MARCHF11: variants seen among roughly 807,000 people sequenced by gnomAD.
MARCHF11 encodes the protein E3 ubiquitin-protein ligase MARCHF11.
MARCHF11 carries 29 observed loss-of-function variants against 37.3 expected under a neutral mutation model. The observed-to-expected ratio is 0.78, with a 90% confidence interval of 0.58 to 1.06. The LOEUF is 1.06. Ranked by LOEUF, MARCHF11 falls within the 50% of genes least tolerant of loss-of-function variation. MARCHF11 has a pLI of 0.00. For missense variants in MARCHF11, 482 were observed against 533.4 expected, an observed-to-expected ratio of 0.90 and a Z score of 0.95; for synonymous variants, 233 against 228.0, an observed-to-expected ratio of 1.02 and a Z score of -0.20.
intron 2 of MARCHF11, among the ~76,000 whole-genome samples, chr5:16,114,021 C>G (rs1406011831): frequency 6.6e-6 from 1 of 151,116 alleles, no homozygotes; most frequent in Non-Finnish European, 1.5e-5. Flanking sequence ...TCTAGCTCCC[C>G]CATATGATTG....
chr5:16,092,942 T>C (rs1046146979), intron 2 of MARCHF11, among the ~76,000 whole-genome samples: 8 of 152,200 alleles, frequency 5.3e-5, no homozygotes, highest in Non-Finnish European at 1.0e-4. Context: ...ATATGAAGTG[T>C]CAGTATCTCT....
chr5:16,108,472 C>A (rs1357144533), intron 2 of MARCHF11, among the ~76,000 whole-genome samples: 2 of 152,138 alleles, frequency 1.3e-5, no homozygotes, highest in Non-Finnish European at 2.9e-5. Context: ...AAAGCGAGGG[C>A]AGGTATGGGT....
At chr5:16,169,423 A>G (rs1738222177) in intron 2 of MARCHF11, among the ~76,000 whole-genome samples, 1 of 152,120 alleles carries the variant, frequency 6.6e-6, no homozygotes, top group Admixed American at 6.6e-5. Context: ...TGTCATCAAT[A>G]AAAATGAACC....
intron 2 of MARCHF11, among the ~76,000 whole-genome samples, chr5:16,137,948 C>T (rs369202773): frequency 1.3e-3 from 199 of 152,162 alleles, no homozygotes; most frequent in African/African-American, 3.6e-3. Flanking sequence ...TCTTCTTTCA[C>T]GAAGATATGT....
At chr5:16,087,912 T>G (rs1371172470) in intron 3 of MARCHF11, among the ~76,000 whole-genome samples, 1 of 152,354 alleles carries the variant, frequency 6.6e-6, no homozygotes, top group Non-Finnish European at 1.5e-5. Context: ...ATAACATTTT[T>G]GGATTCTGGA....
At chr5:16,127,849 G>T (rs373538858) in intron 2 of MARCHF11, among the ~76,000 whole-genome samples, 44 of 152,286 alleles carry the variant, frequency 2.9e-4, no homozygotes, top group African/African-American at 9.6e-4. Context: ...CTGGCTTCTG[G>T]TTGAACGGGG....
At chr5:16,114,196 A>G (rs569797773) in intron 2 of MARCHF11, among the ~76,000 whole-genome samples, 2 of 152,318 alleles carry the variant, frequency 1.3e-5, no homozygotes, top group South Asian at 2.1e-4. Context: ...GGTTGATTAC[A>G]TATCTTAGCT....
intron 2 of MARCHF11, among the ~76,000 whole-genome samples, chr5:16,097,680 C>T (rs540274586): frequency 1.3e-5 from 2 of 152,240 alleles, no homozygotes; most frequent in African/African-American, 2.4e-5. Context: ...TACATAGAAA[C>T]GGAAGTTGTC....
At chr5:16,091,361 A>G (rs1736788851) in intron 2 of MARCHF11, among the ~76,000 whole-genome samples, 1 of 152,216 alleles carries the variant, frequency 6.6e-6, no homozygotes, top group African/African-American at 2.4e-5. Flanking sequence ...GCTAAGGAAT[A>G]TTTAGTATCT....
chr5:16,118,028 G>A (rs1319189254), intron 2 of MARCHF11, among the ~76,000 whole-genome samples: 1 of 152,214 alleles, frequency 6.6e-6, no homozygotes, highest in African/African-American at 2.4e-5. Flanking sequence ...TTGGTCAAAA[G>A]GCATTTTATC....
At position 16,179,601 on chromosome 5, in the gene MARCHF11, C is replaced by T; in HGVS notation, c.-26G>A. ...GGTTGTGCCGCCGCCGCCCTCCTGC[C>T]GGCCCGGCTGGCGGGCCGGGCTCTG... is the stretch of plus-strand genomic sequence containing the variant. On this transcript the variant is annotated 5_prime_UTR_variant, in exon 1 of 4. Coordinates refer to ENST00000332432, the MANE Select transcript of MARCHF11 (RefSeq NM_001102562.3). 1 of 1,106,942 alleles carries T rather than the reference C, an allele frequency of 9.0e-7. No individual in the cohort carries two copies. Among genetic ancestry groups the T allele is most frequent in the Non-Finnish European group, 1.1e-6 (1 of 908,904 alleles). 68.6% of individuals were successfully genotyped at this position (1,106,942 alleles called of 1,614,324 possible).
chr5:16,084,472 G>A lies in MARCHF11; in HGVS notation c.886+6417C>T, dbSNP rs190984500. ...ACCCTGGCCAACATGGTGAAACCCC[G>A]TCTCTACTAAAAATACAAAAATTAG... On this transcript the variant is annotated intron_variant, in intron 3 of 3. Transcript: ENST00000332432. Among the ~76,000 whole-genome samples the A allele has an allele frequency of 1.1e-4, 17 of 152,062 alleles. No individual in the cohort carries two copies. The East Asian group carries it at 2.5e-3, about 23-fold the overall frequency.
At chr5:16,122,424 A>ATG (rs1367709757) in intron 2 of MARCHF11, among the ~76,000 whole-genome samples, 2 of 152,176 alleles carry the variant, frequency 1.3e-5, no homozygotes, top group Non-Finnish European at 2.9e-5. Flanking sequence ...TGCTCATCAC[A>ATG]TGTGTGGTCT....
At chr5:16,159,784 G>T (rs1276447710) in intron 2 of MARCHF11, among the ~76,000 whole-genome samples, 1 of 151,874 alleles carries the variant, frequency 6.6e-6, no homozygotes, top group Non-Finnish European at 1.5e-5. Context: ...GATGGTCGGT[G>T]CCTCAATAGT....
At chr5:16,142,426 A>C (rs909298102) in intron 2 of MARCHF11, among the ~76,000 whole-genome samples, 2 of 152,178 alleles carry the variant, frequency 1.3e-5, no homozygotes, top group African/African-American at 4.8e-5. Context: ...TTCTGAGCCC[A>C]ATAGTGTCTT....
chr5:16,116,254 C>T (rs1054309910), intron 2 of MARCHF11, among the ~76,000 whole-genome samples: 1 of 152,102 alleles, frequency 6.6e-6, no homozygotes, highest in Non-Finnish European at 1.5e-5. Context: ...TGTACAGGCA[C>T]AAAATTGAAT....
chr5:16,174,695 CT>C (rs1349508285), intron 2 of MARCHF11, among the ~76,000 whole-genome samples: 20 of 152,146 alleles, frequency 1.3e-4, no homozygotes, highest in African/African-American at 4.6e-4. Context: ...TTTTAAGCTC[CT>C]TTAGTTCAGA....
chr5:16,108,970 CCTAA>C (rs755416991), intron 2 of MARCHF11, among the ~76,000 whole-genome samples: 10 of 152,100 alleles, frequency 6.6e-5, no homozygotes, highest in Non-Finnish European at 1.2e-4. Context: ...CGATGAGGGT[CCTAA>C]CTGCCATTTC....
In MARCHF11 at chr5:16,067,771, A is replaced by T; in HGVS notation, c.909T>A (p.Ala303=). Residue 303 remains alanine, a synonymous_variant, in exon 4 of 4, where the codon GCT becomes GCA. Coordinates refer to ENST00000332432, the MANE Select transcript of MARCHF11 (RefSeq NM_001102562.3). ...VCIGLIVHEG[A]AVYRVFKRWR... is the part of the protein sequence containing the mutation. ...AGCGCTTAAACACTCTGTAAACTGCAGCTCCTTCATGAACAATGAGACCTA... is the reference window on the plus strand; with the variant it reads ...AGCGCTTAAACACTCTGTAAACTGCTGCTCCTTCATGAACAATGAGACCTA... 6.2e-7 allele frequency: 1 copy of T among 1,612,406 alleles called. No homozygotes were observed. The highest frequency in any genetic ancestry group is 8.5e-7 in the Non-Finnish European group (1 of 1,178,930).
Sources: gnomAD v4.1 joint callset for allele counts (sites outside exome capture counted in the v4.1 genomes callset) on GRCh38, gnomAD v4.1.1 for gene constraint, MANE v1.5 for transcripts, NCBI Gene and HGNC (gene_info 2026-07-23, HGNC 2026-07-21) for gene names.